Variants in ORC5 observed in about 807,000 individuals in gnomAD.
The protein encoded by ORC5 is protein phosphatase 1, regulatory subunit 117.
A neutral mutation model predicts 58.8 loss-of-function variants in ORC5; 39 were observed. The ratio of observed to expected loss-of-function variants is 0.66; its 90% CI spans 0.51 to 0.87. The LOEUF (loss-of-function observed/expected upper bound fraction) is 0.87, where lower values mean the gene tolerates loss of function less well. ORC5 is among the 40% of genes least tolerant of loss of function. ORC5 has a pLI of 0.00. For missense variants in ORC5, 493 were observed against 506.3 expected (o/e 0.97, Z 0.25); for synonymous variants, 218 against 177.6 (o/e 1.23, Z -1.81).
At chr7:104,194,727 G>T (rs1356009165) in intron 5 of ORC5, among the ~76,000 whole-genome samples, 1 of 151,972 alleles carries the variant, frequency 6.6e-6, no homozygotes, top group African/African-American at 2.4e-5. Flanking sequence ...CTGATTATTC[G>T]TACAGATGTC....
At chr7:104,174,383 T>C (rs1584504135) in intron 8 of ORC5, among the ~76,000 whole-genome samples, 1 of 152,200 alleles carries the variant, frequency 6.6e-6, no homozygotes, top group African/African-American at 2.4e-5. Context: ...TTCTTTGTTC[T>C]TGAGTGATTA....
chr7:104,189,875 T>C (rs768633747), intron 5 of ORC5, among the ~76,000 whole-genome samples: 15 of 152,154 alleles, frequency 9.9e-5, no homozygotes, highest in Admixed American at 2.6e-4. Context: ...CCCCAATTTA[T>C]AGCCAGTTTT....
chr7:104,187,252 T>C (rs566849738), intron 6 of ORC5, among the ~76,000 whole-genome samples: 26 of 152,182 alleles, frequency 1.7e-4, no homozygotes, highest in Non-Finnish European at 3.2e-4. Flanking sequence ...TAGAGGAATG[T>C]TAGTGATAAG....
chr7:104,163,727 G>A (rs1383952906), intron 11 of ORC5, among the ~76,000 whole-genome samples: 2 of 152,078 alleles, frequency 1.3e-5, no homozygotes, highest in African/African-American at 2.4e-5. Context: ...TCCTGACCTC[G>A]TGATCCACCC....
intron 8 of ORC5, among the ~76,000 whole-genome samples, chr7:104,183,632 T>C (rs955117897): frequency 6.6e-6 from 1 of 152,212 alleles, no homozygotes; most frequent in Non-Finnish European, 1.5e-5. Context: ...AATACCTCCA[T>C]GAGGACATCT....
Position 104,126,775 on chromosome 7 carries a change from C to T in ORC5, c.*73G>A. ...GAGCCAAAGAACTCCTCTCCTTGGCCAGCTAAGTAGCTGGATGAACACAGC... is the reference window on the plus strand; with the variant it reads ...GAGCCAAAGAACTCCTCTCCTTGGCTAGCTAAGTAGCTGGATGAACACAGC... On this transcript the variant is annotated 3_prime_UTR_variant, in exon 14 of 14. Transcript: ENST00000297431. 1 of 1,133,038 alleles carries T rather than the reference C, an allele frequency of 8.8e-7. No individual in the cohort carries two copies. Among genetic ancestry groups the T allele is most frequent in the Non-Finnish European group, 1.3e-6 (1 of 772,432 alleles). The allele number at this position is 1,133,038 out of a possible 1,614,324, so 70.2% of individuals were successfully genotyped here.
At chr7:104,183,817 T>G in intron 8 of ORC5, 126 bp downstream of exon 8, 1 of 645,674 alleles carries the variant, frequency 1.5e-6, no homozygotes, top group East Asian at 2.8e-5. Flanking sequence ...GCTTTCCCAT[T>G]GCAATGCCAA....
At chr7:104,162,250 G>A (rs1799037448) in intron 11 of ORC5, among the ~76,000 whole-genome samples, 1 of 152,178 alleles carries the variant, frequency 6.6e-6, no homozygotes, top group Non-Finnish European at 1.5e-5. Context: ...TTGGCTCACT[G>A]CAAACTCCAC....
chr7:104,193,772 G>A (rs1584519813), intron 5 of ORC5, among the ~76,000 whole-genome samples: 1 of 148,022 alleles, frequency 6.8e-6, no homozygotes. Flanking sequence ...TTAATAATCA[G>A]AATTTAACTT....
At chr7:104,152,166 G>A (rs1798856910) in intron 12 of ORC5, among the ~76,000 whole-genome samples, 1 of 151,872 alleles carries the variant, frequency 6.6e-6, no homozygotes, top group Admixed American at 6.6e-5. Context: ...TGTTTTTTGG[G>A]GGGATGGAGT....
At chr7:104,171,283 T>C (rs895924884) in intron 8 of ORC5, among the ~76,000 whole-genome samples, 2 of 152,220 alleles carry the variant, frequency 1.3e-5, no homozygotes, top group Non-Finnish European at 2.9e-5. Flanking sequence ...TCTTCCTAAA[T>C]AATACCTTTA....
intron 8 of ORC5, among the ~76,000 whole-genome samples, chr7:104,173,038 G>A (rs531199045): frequency 1.3e-5 from 2 of 149,288 alleles, no homozygotes; most frequent in East Asian, 3.9e-4. Flanking sequence ...AGTCACATGT[G>A]CTAAAACCCC....
intron 1 of ORC5, among the ~76,000 whole-genome samples, chr7:104,204,828 A>C (rs923465225): frequency 3.3e-5 from 5 of 152,218 alleles, no homozygotes; most frequent in Non-Finnish European, 7.3e-5. Flanking sequence ...ACATATGTGC[A>C]AGATCCTCTT....
intron 5 of ORC5, among the ~76,000 whole-genome samples, chr7:104,189,231 G>A (rs977720743): frequency 2.0e-5 from 3 of 152,090 alleles, no homozygotes; most frequent in Non-Finnish European, 4.4e-5. Flanking sequence ...TTGACTCACA[G>A]TTCTGCATGG....
intron 13 of ORC5, among the ~76,000 whole-genome samples, chr7:104,134,146 G>A (rs760718725): frequency 6.6e-6 from 1 of 152,086 alleles, no homozygotes; most frequent in Non-Finnish European, 1.5e-5. Flanking sequence ...TGGAGGCTGG[G>A]CGCGGTGGCT....
intron 1 of ORC5, 80 bp from the exon 2 acceptor site, chr7:104,204,314 C>G (rs56390129): frequency 0.051 from 41,890 of 817,602 alleles, 1,534 homozygotes; most frequent in South Asian, 0.12. Context: ...GAAAGTTGTA[C>G]GTGGAAAAGT....
chr7:104,186,093 A>G (rs574912828), intron 6 of ORC5, among the ~76,000 whole-genome samples: 1 of 152,214 alleles, frequency 6.6e-6, no homozygotes, highest in Non-Finnish European at 1.5e-5. Context: ...GCATGGTGTA[A>G]TAACACTAAA....
chr7:104,183,447 A>G (rs2115971776), intron 8 of ORC5, among the ~76,000 whole-genome samples: 1 of 152,366 alleles, frequency 6.6e-6, no homozygotes, highest in African/African-American at 2.4e-5. Flanking sequence ...CTTGATTAAA[A>G]GAAAAAAGTT....
At chr7:104,157,041 G>T (rs1156246120) in intron 12 of ORC5, among the ~76,000 whole-genome samples, 1 of 151,886 alleles carries the variant, frequency 6.6e-6, no homozygotes, top group Non-Finnish European at 1.5e-5. Flanking sequence ...AAAATTAAGT[G>T]TATGTAGGTT....
Sources: gnomAD v4.1 joint callset for allele counts (sites outside exome capture counted in the v4.1 genomes callset) on GRCh38, gnomAD v4.1.1 for gene constraint, MANE v1.5 for transcripts, NCBI Gene and HGNC (gene_info 2026-07-23, HGNC 2026-07-21) for gene names.